The following SH3BP4 variants were observed in gnomAD, a reference collection of about 807,000 sequenced individuals.
SH3BP4 encodes SH3 domain-binding protein 4.
Under a neutral mutation model 65.5 loss-of-function variants are expected in SH3BP4, and 33 were observed. The observed-to-expected ratio is 0.50, with a 90% confidence interval of 0.38 to 0.67. SH3BP4 has a LOEUF of 0.67. Ranked by LOEUF, SH3BP4 falls within the 30% of genes least tolerant of loss-of-function variation. The pLI, the probability that SH3BP4 is intolerant of heterozygous loss-of-function variation, is 0.00. For missense variants in SH3BP4, 1,134 were observed against 1,261.4 expected (o/e 0.90, Z 1.53); for synonymous variants, 552 against 545.5 (o/e 1.01, Z -0.17).
intron 2 of SH3BP4, among the ~76,000 whole-genome samples, chr2:235,005,834 T>C (rs1171759975): frequency 6.6e-6 from 1 of 152,150 alleles, no homozygotes; most frequent in Non-Finnish European, 1.5e-5. Flanking sequence ...GGTGGCCCAT[T>C]GTAAACAAGC....
chr2:234,979,117 G>A (rs1349163062), intron 1 of SH3BP4: 1 of 152,180 alleles, frequency 6.6e-6, no homozygotes, highest in African/African-American at 2.4e-5. Flanking sequence ...AAGCCATGTG[G>A]TCCCTGAACT....
chr2:234,972,835 C>T (rs1693039658), intron 1 of SH3BP4, among the ~76,000 whole-genome samples: 1 of 152,252 alleles, frequency 6.6e-6, no homozygotes, highest in Non-Finnish European at 1.5e-5. Context: ...GAAGTTCCTT[C>T]CGTAAAAAGT....
chr2:234,964,006 T>C (rs978157798), intron 1 of SH3BP4, among the ~76,000 whole-genome samples: 1 of 152,150 alleles, frequency 6.6e-6, no homozygotes, highest in Non-Finnish European at 1.5e-5. Flanking sequence ...GAAAACTAAT[T>C]TATGGGCGGA....
rs571340178 is a variant in SH3BP4 at position 235,035,369 on chromosome 2, C to T, written c.118+249C>T. Among the ~76,000 whole-genome samples the T allele has an allele frequency of 3.3e-5, 5 of 152,124 alleles. No individual in the cohort carries two copies. The highest frequency in any genetic ancestry group is 2.1e-4 in the South Asian group (1 of 4,824). ...ATGTTTCTTTTTACTTGATAAAATTCGGTGACAGTGTGGTAGGGAGCTTGG... is the reference window on the plus strand; with the variant it reads ...ATGTTTCTTTTTACTTGATAAAATTTGGTGACAGTGTGGTAGGGAGCTTGG... On this transcript the variant is annotated intron_variant, in intron 3 of 5. Transcript: ENST00000392011. The surrounding 1 kb of genome is among the most constrained non-coding windows in gnomAD (Gnocchi z 5.0).
At chr2:234,986,527 G>GTCCACGTCC (rs1693564803) in intron 1 of SH3BP4, among the ~76,000 whole-genome samples, 1 of 152,156 alleles carries the variant, frequency 6.6e-6, no homozygotes, top group Non-Finnish European at 1.5e-5. Context: ...ACCCTCACTT[G>GTCCACGTCC]TCCACGTCCT....
At chr2:235,016,256 G>T (rs1014285293) in intron 2 of SH3BP4, among the ~76,000 whole-genome samples, 15 of 152,172 alleles carry the variant, frequency 9.9e-5, no homozygotes, top group African/African-American at 3.1e-4. Context: ...AAAACACGAG[G>T]CACATCTGAG....
intron 1 of SH3BP4, among the ~76,000 whole-genome samples, chr2:234,980,195 C>T (rs1693329823): frequency 6.6e-6 from 1 of 152,116 alleles, no homozygotes; most frequent in South Asian, 2.1e-4. Flanking sequence ...ATACAGGGCC[C>T]CCAGAAGGTG....
In SH3BP4 at chr2:235,037,395, G is replaced by T. The variant is rs370066710; in HGVS notation, c.118+2275G>T. The stretch of plus-strand genomic sequence containing the variant: ...AGGAAGAGTGGGGTGATTTCCCTTG[G>T]CTAAGCCTGATCCCTTGAGTGAGAT... On this transcript the variant is annotated intron_variant, in intron 3 of 5. Transcript: ENST00000392011. Among the ~76,000 whole-genome samples the T allele has an allele frequency of 1.6e-3, 237 of 152,272 alleles. 4 individuals carry two copies. In the South Asian group the frequency reaches 0.042, roughly 27 times the overall value.
intron 2 of SH3BP4, among the ~76,000 whole-genome samples, chr2:235,027,510 A>G (rs1695040284): frequency 6.6e-6 from 1 of 152,228 alleles, no homozygotes; most frequent in African/African-American, 2.4e-5. Context: ...AGATGAGCAG[A>G]TGTGATGAGT....
At chr2:234,985,569 G>A (rs1005844719) in intron 1 of SH3BP4, among the ~76,000 whole-genome samples, 1 of 152,084 alleles carries the variant, frequency 6.6e-6, no homozygotes, top group African/African-American at 2.4e-5. Flanking sequence ...GACCTTCTGT[G>A]TGCAGGCATT....
chr2:234,973,512 A>G (rs1384327495), intron 1 of SH3BP4, among the ~76,000 whole-genome samples: 1 of 152,164 alleles, frequency 6.6e-6, no homozygotes, highest in Non-Finnish European at 1.5e-5. Context: ...ACCACCTCTT[A>G]TGCAGGAGGC....
chr2:235,003,082 C>G (rs1341279519), intron 2 of SH3BP4, among the ~76,000 whole-genome samples: 1 of 152,274 alleles, frequency 6.6e-6, no homozygotes, highest in Non-Finnish European at 1.5e-5. Context: ...GTTTGCCCAA[C>G]TTGGATGCTA....
At chr2:235,006,472 G>C (rs1694299400) in intron 2 of SH3BP4, among the ~76,000 whole-genome samples, 1 of 151,768 alleles carries the variant, frequency 6.6e-6, no homozygotes, top group African/African-American at 2.4e-5. Flanking sequence ...CCGGAAAGAA[G>C]CCAGCGGATG....
At chr2:235,014,964 T>C (rs549653612) in intron 2 of SH3BP4, among the ~76,000 whole-genome samples, 6 of 152,366 alleles carry the variant, frequency 3.9e-5, no homozygotes, top group African/African-American at 9.6e-5. Flanking sequence ...ATTTAGGTTT[T>C]AGCCAAAAGG....
At chr2:235,032,758 AGGGGTGGAGTGT>A (rs1231482011) in intron 2 of SH3BP4, among the ~76,000 whole-genome samples, 1 of 151,814 alleles carries the variant, frequency 6.6e-6, no homozygotes, top group Non-Finnish European at 1.5e-5. Flanking sequence ...ACCCCAGCAG[AGGGGTGGAGTGT>A]GGGGTGGAAG....
At chr2:235,006,796 G>A (rs1019479410) in intron 2 of SH3BP4, among the ~76,000 whole-genome samples, 2 of 152,146 alleles carry the variant, frequency 1.3e-5, no homozygotes, top group African/African-American at 4.8e-5. Flanking sequence ...GTTTTGCCTG[G>A]GGATTCAAAG....
Position 235,042,938 on chromosome 2 carries a change from C to T in SH3BP4, c.2169C>T (p.Gly723=). ...LVHTKNVLVV[G]RARPSLCSGP... ...ACACCAAGAACGTGCTGGTGGTCGGCAGGGCCCGGCCCAGCCTGTGCTCGG... is the reference window on the plus strand; with the variant it reads ...ACACCAAGAACGTGCTGGTGGTCGGTAGGGCCCGGCCCAGCCTGTGCTCGG... The change falls in exon 4 of 6, where the codon GGC becomes GGT. Residue 723 remains glycine, a synonymous_variant. Coordinates refer to ENST00000392011, the MANE Select transcript of SH3BP4 (RefSeq NM_014521.3). This position sits in a 1 kb window ranked among gnomAD's most constrained non-coding sequence, Gnocchi z 7.3. 1 of 1,613,102 alleles carries T rather than the reference C, an allele frequency of 6.2e-7. No homozygotes were observed. Among genetic ancestry groups the T allele is most frequent in the East Asian group, 2.2e-5 (1 of 44,854 alleles).
intron 1 of SH3BP4, among the ~76,000 whole-genome samples, chr2:234,988,681 G>A (rs1022063010): frequency 6.6e-6 from 1 of 152,174 alleles, no homozygotes. Context: ...GCAGCCACTC[G>A]GTGCTGCGCG....
chr2:234,970,467 G>T (rs1250753224), intron 1 of SH3BP4, among the ~76,000 whole-genome samples: 2 of 152,212 alleles, frequency 1.3e-5, no homozygotes, highest in Non-Finnish European at 1.5e-5. Context: ...GAGCAGTTTA[G>T]ACAGTTACCT....
Sources: gnomAD v4.1 joint callset for allele counts (sites outside exome capture counted in the v4.1 genomes callset) on GRCh38, gnomAD v4.1.1 for gene constraint, Gnocchi (gnomAD v3.1) non-coding constraint, MANE v1.5 for transcripts, NCBI Gene and HGNC (gene_info 2026-07-23, HGNC 2026-07-21) for gene names.